BUD23: variants seen among roughly 807,000 people sequenced by gnomAD.
BUD23 encodes the protein 18S rRNA (guanine-N(7))-methyltransferase.
In BUD23, 34 loss-of-function variants were observed where a neutral mutation model predicts 47.0. The observed-to-expected ratio is 0.72, with a 90% CI of 0.55 to 0.96. The LOEUF is 0.96. BUD23 is among the 40% of genes least tolerant of loss of function. BUD23 has a pLI of 0.00. For missense variants in BUD23, 343 were observed against 361.2 expected (o/e 0.95, Z 0.41); for synonymous variants, 124 against 132.0 (o/e 0.94, Z 0.41).
chr7:73,689,389 G>C (rs576693796), intron 5 of BUD23, among the ~76,000 whole-genome samples: 1 of 151,546 alleles, frequency 6.6e-6, no homozygotes, highest in Admixed American at 6.6e-5. Flanking sequence ...CATGTAAGGC[G>C]TACAAGGTGC....
At chr7:73,689,805 G>C (rs1798120090) in intron 5 of BUD23, among the ~76,000 whole-genome samples, 1 of 152,250 alleles carries the variant, frequency 6.6e-6, no homozygotes, top group East Asian at 1.9e-4. Context: ...GATCAGATGT[G>C]TGTTTAAGGA....
At chr7:73,689,821 A>T (rs1452540510) in intron 5 of BUD23, among the ~76,000 whole-genome samples, 2 of 152,024 alleles carry the variant, frequency 1.3e-5, no homozygotes, top group Non-Finnish European at 2.9e-5. Context: ...AAGGAAGGTG[A>T]TTTTCTGGTG....
Position 73,690,899 on chromosome 7 carries a change from G to A in BUD23, c.363-17G>A. 1 of 1,611,766 alleles carries A rather than the reference G, an allele frequency of 6.2e-7. No homozygotes were observed. Among genetic ancestry groups the A allele is most frequent in the South Asian group, 1.1e-5 (1 of 91,024 alleles). Reference sequence around the variant, plus strand: ...CGTGGATTGCTCCGTTGCCTGACTAGGTCCCTTCCTTTTTAGCATTTCTGC... The same window carrying A: ...CGTGGATTGCTCCGTTGCCTGACTAAGTCCCTTCCTTTTTAGCATTTCTGC... On this transcript the variant is annotated splice_polypyrimidine_tract_variant and intron_variant, in intron 5 of 11. Transcript: ENST00000265758.
intron 10 of BUD23, chr7:73,696,672 T>A (rs987747611): frequency 2.0e-5 from 3 of 152,270 alleles, no homozygotes; most frequent in Non-Finnish European, 4.4e-5. Context: ...TTCAGGACAC[T>A]TGTTTATTTT....
At chr7:73,683,881 G>T in intron 2 of BUD23, 77 bp downstream of exon 2, 2 of 1,613,332 alleles carry the variant, frequency 1.2e-6, no homozygotes, top group Non-Finnish European at 1.7e-6. Context: ...GCGTTGCCCG[G>T]AAAGGCCGTA....
intron 6 of BUD23, among the ~76,000 whole-genome samples, chr7:73,691,952 G>C (rs1306401143): frequency 3.3e-5 from 5 of 152,084 alleles, no homozygotes; most frequent in Non-Finnish European, 4.4e-5. Flanking sequence ...TGCCTCCTTA[G>C]CCTGGTCTAG....
intron 11 of BUD23, 68 bp from the exon 12 acceptor site, chr7:73,697,764 T>G: frequency 6.2e-7 from 1 of 1,609,622 alleles, no homozygotes; most frequent in Non-Finnish European, 8.5e-7. Context: ...GAGCTTCCCT[T>G]TATTTGAAGG....
chr7:73,686,897 C>G lies in BUD23; in HGVS notation c.262C>G (p.Leu88Val). ...GGGCCTGGATATCAGCCCTGCCATG[C>G]TGGGTAAGTATGTCCTGTCTGGCAC... ...WVGLDISPAM[L>V]DEAVDREIEG... The change falls in exon 4 of 12, where the codon CTG (leucine) becomes GTG (valine). Residue 88 changes from leucine to valine, a missense_variant. Transcript: ENST00000265758. The G allele has an allele frequency of 1.2e-6, 2 of 1,614,210 alleles. No individual in the cohort carries two copies. The highest frequency in any genetic ancestry group is 1.7e-6 in the Non-Finnish European group (2 of 1,180,044).
intron 10 of BUD23, chr7:73,697,204 C>T (rs973116999): frequency 7.7e-6 from 4 of 522,684 alleles, no homozygotes; most frequent in South Asian, 2.2e-5. Flanking sequence ...CTTCCTGCCC[C>T]CAAGCTGTGG....
rs1797839968 is a variant in BUD23 at position 73,684,045 on chromosome 7, G to T, written c.86+241G>T. On this transcript the variant is annotated intron_variant, in intron 2 of 11. Coordinates refer to ENST00000265758, the MANE Select transcript of BUD23 (RefSeq NM_017528.5). The stretch of plus-strand genomic sequence containing the variant: ...CTTTCCGTGGGTGGTTTTCAAAGTC[G>T]AATGTGACAATTTGTCCTAAACATG... The T allele has an allele frequency of 2.9e-6, 4 of 1,370,898 alleles. No homozygotes were observed. The African/African-American group carries it at 4.4e-5, about 15-fold the overall frequency. The allele number at this position is 1,370,898 out of a possible 1,614,324, so 84.9% of individuals were successfully genotyped here.
Position 73,693,452 on chromosome 7 carries a change from G to T in BUD23, c.596+38G>T, listed in dbSNP as rs1554614376. 1.9e-6 allele frequency: 3 copies of T among 1,610,400 alleles called. No homozygotes were observed. In the African/African-American group the frequency reaches 4.0e-5, roughly 22 times the overall value. On this transcript the variant is annotated intron_variant, in intron 8 of 11. Coordinates refer to ENST00000265758, the MANE Select transcript of BUD23 (RefSeq NM_017528.5). ...GGCCGGTGTGCTGCCTGGGCTGCAG[G>T]AGGGAGGGTAGTGGCATAGCCCTTT... is the stretch of plus-strand genomic sequence containing the variant.
At position 73,697,983 on chromosome 7, in the gene BUD23, A is replaced by G; in HGVS notation, c.*97A>G. The G allele has an allele frequency of 6.9e-7, 1 of 1,450,472 alleles. No homozygotes were observed. The highest frequency in any genetic ancestry group is 9.2e-7 in the Non-Finnish European group (1 of 1,087,150). The allele number at this position is 1,450,472 out of a possible 1,614,324, so 89.9% of individuals were successfully genotyped here. A position where few individuals can be genotyped will look rare whatever the true frequency, so the allele number is the denominator to read the frequency against. On this transcript the variant is annotated 3_prime_UTR_variant, in exon 12 of 12. Coordinates refer to ENST00000265758, the MANE Select transcript of BUD23 (RefSeq NM_017528.5). ...TTAGAAAAGTTCTAAAGTTATAAAA[A>G]TGTTTTCTGCAGTAAAAAAAAAGTT...
In BUD23 at chr7:73,694,069, C is replaced by G. The variant is rs782281250; in HGVS notation, c.701+19C>G. On this transcript the variant is annotated intron_variant, in intron 10 of 11. Coordinates refer to ENST00000265758, the MANE Select transcript of BUD23 (RefSeq NM_017528.5). The stretch of plus-strand genomic sequence containing the variant: ...ATGAGAGGTAAAGCAACTGCTGAAG[C>G]CTGCCCCGGCTGCAGCGGGGGCTGC... The G allele has an allele frequency of 5.0e-6, 8 of 1,597,802 alleles. No individual in the cohort carries two copies. The highest frequency in any genetic ancestry group is 1.7e-4 in the Middle Eastern group (1 of 5,790).
chr7:73,693,002 G>A, intron 7 of BUD23: 1 of 542,092 alleles, frequency 1.8e-6, no homozygotes, highest in Non-Finnish European at 3.3e-6. Context: ...GATGTTGAAA[G>A]ATAAGTGAAG....
chr7:73,694,766 C>G (rs551201973), intron 10 of BUD23: 1 of 152,744 alleles, frequency 6.5e-6, no homozygotes, highest in East Asian at 1.9e-4. Flanking sequence ...CACCCACCAT[C>G]GTGGTTTCCT....
At chr7:73,692,793 G>A (rs1798243845) in intron 7 of BUD23, 147 bp downstream of exon 7, 1 of 718,606 alleles carries the variant, frequency 1.4e-6, no homozygotes, top group Non-Finnish European at 2.3e-6. Flanking sequence ...CACATTTGAT[G>A]ACCTGATATC....
At chr7:73,692,899 C>T in intron 7 of BUD23, 1 of 552,686 alleles carries the variant, frequency 1.8e-6, no homozygotes, top group Non-Finnish European at 3.2e-6. Context: ...TTTCCATAAC[C>T]AAATAAGTAA....
rs78171138 is a variant in BUD23 at position 73,693,960 on chromosome 7, A to T, written c.643-32A>T. ...GGGGCAGATGGTTTGAGAACTCTCC[A>T]GGGTGACCTGAGTGCACTTTGGTTC... On this transcript the variant is annotated intron_variant, in intron 9 of 11. Coordinates refer to ENST00000265758, the MANE Select transcript of BUD23 (RefSeq NM_017528.5). The T allele has an allele frequency of 3.5e-3, 5,603 of 1,611,524 alleles. 20 individuals are homozygous for T. Among genetic ancestry groups the T allele is most frequent in the Non-Finnish European group, 3.9e-3 (4,572 of 1,179,252 alleles).
intron 2 of BUD23, among the ~76,000 whole-genome samples, chr7:73,685,451 A>G (rs1477495912): frequency 6.6e-6 from 1 of 152,222 alleles, no homozygotes; most frequent in Non-Finnish European, 1.5e-5. Flanking sequence ...AAATAGCTTG[A>G]TAATTTTTTG....
Sources: allele counts gnomAD v4.1 joint callset (sites outside exome capture counted in the v4.1 genomes callset), GRCh38; gene constraint gnomAD v4.1.1; transcripts MANE v1.5; gene names NCBI Gene and HGNC (gene_info 2026-07-23, HGNC 2026-07-21).